Variants in ST14 observed in about 807,000 individuals in gnomAD.
ST14 encodes suppressor of tumorigenicity 14 protein.
A neutral mutation model predicts 96.5 loss-of-function variants in ST14; 40 were observed. The ratio of observed to expected loss-of-function variants is 0.41; its 90% CI spans 0.32 to 0.54. The LOEUF (loss-of-function observed/expected upper bound fraction) is 0.54. ST14 is among the 20% of genes least tolerant of loss of function. ST14 has a pLI of 0.17. For synonymous variants in ST14, 506 were observed against 492.1 expected (o/e 1.03, Z -0.37); for missense variants, 1,066 against 1,188.9 (o/e 0.90, Z 1.52).
At position 130,190,542 on chromosome 11, in the gene ST14, T is replaced by C. The variant is rs752902735; in HGVS notation, c.723T>C (p.His241=). 7.4e-6 allele frequency: 12 copies of C among 1,611,804 alleles called. No homozygotes were observed. Among genetic ancestry groups the C allele is most frequent in the East Asian group, 2.2e-5 (1 of 44,878 alleles). The part of the protein sequence containing the change: ...PGFPDSPYPA[H]ARCQWALRGD... ...TCCCTGACAGCCCCTACCCCGCTCA[T>C]GCCCGCTGCCAGTGGGCCCTGCGGG... Residue 241 remains histidine (H), a synonymous_variant, in exon 7 of 19, where the codon CAT becomes CAC. Coordinates refer to ENST00000278742, the MANE Select transcript of ST14 (RefSeq NM_021978.4).
Position 130,198,602 on chromosome 11 carries a change from C to T in ST14, c.1665C>T (p.Asp555=), listed in dbSNP as rs141822327. 7.1e-5 allele frequency: 114 copies of T among 1,613,700 alleles called. No individual in the cohort carries two copies. The highest frequency in any genetic ancestry group is 1.3e-4 in the African/African-American group (10 of 74,946). ...AGGACGACTGTGGGGACGGGTCCGA[C>T]GAGGCCTCCTGCCCCAAGGGTGAGG... ...NGKDDCGDGS[D]EASCPKVNVV... Residue 555 remains aspartate (D), a synonymous_variant, in exon 14 of 19, where the codon GAC becomes GAT. Coordinates refer to ENST00000278742, the MANE Select transcript of ST14 (RefSeq NM_021978.4).
intron 16 of ST14, among the ~76,000 whole-genome samples, chr11:130,205,925 C>T (rs1953482047): frequency 6.6e-6 from 1 of 151,880 alleles, no homozygotes; most frequent in African/African-American, 2.4e-5. Flanking sequence ...TCTCAAACTC[C>T]CAACCTTGTG....
At chr11:130,183,827 C>T (rs775985380) in intron 1 of ST14, among the ~76,000 whole-genome samples, 2 of 152,106 alleles carry the variant, frequency 1.3e-5, no homozygotes, top group South Asian at 2.1e-4. Context: ...AAGACAGCTA[C>T]GGGAGTGTTT....
At chr11:130,193,909 G>A (rs1157318564) in intron 7 of ST14, among the ~76,000 whole-genome samples, 3 of 152,184 alleles carry the variant, frequency 2.0e-5, no homozygotes, top group African/African-American at 4.8e-5. Context: ...TATCACTAGC[G>A]CCTTCCATCA....
At chr11:130,190,768 A>T in intron 7 of ST14, 74 bp downstream of exon 7, 1 of 1,483,624 alleles carries the variant, frequency 6.7e-7, no homozygotes, top group Non-Finnish European at 9.0e-7. Context: ...TTCTTCAACG[A>T]TTGGGATACA....
rs1281824778 is a variant in ST14, at chr11:130,194,851, CATGTGTGTGT to C, written c.1113+115_1113+124del. Reference sequence around the variant, plus strand: ...GTGTGCATGTGTTTGCATATGTGTGCATGTGTGTGTGTGTGTGTGTGTGTGCGTATGTGTG... The same window carrying C: ...GTGTGCATGTGTTTGCATATGTGTGCGTGTGTGTGTGTGTGCGTATGTGTG... On this transcript the variant is annotated intron_variant, in intron 9 of 18. Coordinates refer to ENST00000278742, the MANE Select transcript of ST14 (RefSeq NM_021978.4). 1.6e-4 allele frequency: 143 copies of C among 884,786 alleles called. No homozygotes were observed. The African/African-American group carries it at 1.8e-3, about 11-fold the overall frequency. 54.8% of individuals were successfully genotyped at this position (884,786 alleles called of 1,614,324 possible). A position where few individuals can be genotyped will look rare whatever the true frequency, so the allele number is the denominator to read the frequency against.
At chr11:130,203,144 C>A (rs993051973) in intron 16 of ST14, among the ~76,000 whole-genome samples, 4 of 151,962 alleles carry the variant, frequency 2.6e-5, no homozygotes, top group South Asian at 2.1e-4. Context: ...GTGAACAGGG[C>A]GGGCTTGGAG....
At chr11:130,163,570 G>C (rs2136200244) in intron 1 of ST14, among the ~76,000 whole-genome samples, 1 of 152,266 alleles carries the variant, frequency 6.6e-6, no homozygotes, top group East Asian at 1.9e-4. Flanking sequence ...TTAGAGAACT[G>C]CCTTTTTTGT....
intron 1 of ST14, among the ~76,000 whole-genome samples, chr11:130,184,620 G>A (rs549496362): frequency 2.6e-5 from 4 of 152,302 alleles, no homozygotes; most frequent in Non-Finnish European, 2.9e-5. Context: ...CTAGAAGACA[G>A]AGGTGAGACA....
At chr11:130,180,921 T>C (rs1164715684) in intron 1 of ST14, among the ~76,000 whole-genome samples, 1 of 152,160 alleles carries the variant, frequency 6.6e-6, no homozygotes, top group African/African-American at 2.4e-5. Context: ...TAAGATGAAA[T>C]AGGGCGTGCT....
intron 15 of ST14, among the ~76,000 whole-genome samples, chr11:130,199,357 C>T (rs1426031986): frequency 6.6e-6 from 1 of 152,136 alleles, no homozygotes; most frequent in Non-Finnish European, 1.5e-5. Flanking sequence ...GCTGTGTAGA[C>T]ACAGCTGTGG....
chr11:130,182,610 G>T (rs1174944755), intron 1 of ST14, among the ~76,000 whole-genome samples: 3 of 149,914 alleles, frequency 2.0e-5, no homozygotes, highest in Admixed American at 1.3e-4. Context: ...GCCTTTCACA[G>T]TGCAAGTGTG....
At chr11:130,172,411 CTTTTTTTTTTTTTT>C (rs1173051845) in intron 1 of ST14, among the ~76,000 whole-genome samples, 2 of 88,286 alleles carry the variant, frequency 2.3e-5, no homozygotes, top group Admixed American at 2.6e-4. Context: ...TGGCTGTCTT[CTTTTTTTTTTTTTT>C]TTTTTTTTTT....
chr11:130,165,212 A>AG (rs1280095236), intron 1 of ST14, among the ~76,000 whole-genome samples: 1 of 152,236 alleles, frequency 6.6e-6, no homozygotes, highest in Non-Finnish European at 1.5e-5. Flanking sequence ...GTCAGCCCAC[A>AG]GGGTTCAGGA....
chr11:130,195,111 G>A (rs1953346891), intron 9 of ST14, among the ~76,000 whole-genome samples: 1 of 152,100 alleles, frequency 6.6e-6, no homozygotes, highest in African/African-American at 2.4e-5. Context: ...TAGCCAGGCA[G>A]GTGATACATG....
intron 16 of ST14, among the ~76,000 whole-genome samples, chr11:130,203,889 G>A (rs1052465558): frequency 1.3e-5 from 2 of 152,118 alleles, no homozygotes; most frequent in Admixed American, 6.5e-5. Flanking sequence ...CCTGACCACG[G>A]GTGATCTGCC....
chr11:130,198,861 G>A, intron 14 of ST14, 86 bp from the exon 15 acceptor site: 3 of 1,608,336 alleles, frequency 1.9e-6, no homozygotes, highest in Non-Finnish European at 2.5e-6. Flanking sequence ...ATGTGCAGGG[G>A]CCATGAGGCG....
chr11:130,194,323 G>A lies in ST14; in HGVS notation c.1015+35G>A, dbSNP rs757888878. On this transcript the variant is annotated intron_variant, in intron 8 of 18. Transcript: ENST00000278742. ...GGCAGGGCAGGGCGGGACTGCCCTC[G>A]GGCCACAGAGAAGGGGAAGGCCTTA... 70 of 1,613,460 alleles carry A rather than the reference G, an allele frequency of 4.3e-5. No individual in the cohort carries two copies. The Middle Eastern group carries it at 1.8e-3, about 42-fold the overall frequency.
At chr11:130,167,386 C>G (rs1050856086) in intron 1 of ST14, among the ~76,000 whole-genome samples, 9 of 152,120 alleles carry the variant, frequency 5.9e-5, no homozygotes, top group Admixed American at 5.2e-4. Flanking sequence ...TGTGAAACTT[C>G]TGAAATTCCC....
Sources: gnomAD v4.1 joint callset for allele counts (sites outside exome capture counted in the v4.1 genomes callset) on GRCh38, gnomAD v4.1.1 for gene constraint, MANE v1.5 for transcripts, NCBI Gene and HGNC (gene_info 2026-07-23, HGNC 2026-07-21) for gene names.